Variants in ARHGEF11 observed in about 807,000 individuals in gnomAD.
The protein encoded by ARHGEF11 is Rho guanine nucleotide exchange factor 11.
ARHGEF11 carries 55 observed loss-of-function variants against 193.7 expected under a neutral mutation model. That is an observed-to-expected ratio of 0.28 (90% CI 0.23 to 0.36). ARHGEF11 has a LOEUF of 0.36. Among genes scored for constraint, ARHGEF11 ranks in the 10% least tolerant of loss-of-function variants. ARHGEF11 has a pLI of 1.00. For synonymous variants in ARHGEF11, 693 were observed against 768.0 expected (o/e 0.90, Z 1.62); for missense variants, 1,723 against 2,005.6 (o/e 0.86, Z 2.69).
chr1:156,997,206 C>T (rs1181262502), intron 1 of ARHGEF11, among the ~76,000 whole-genome samples: 2 of 152,004 alleles, frequency 1.3e-5, no homozygotes, highest in African/African-American at 2.4e-5. Flanking sequence ...TTATAATTCA[C>T]CTGCCCTGCC....
At chr1:156,998,420 G>A (rs1232123231) in intron 1 of ARHGEF11, among the ~76,000 whole-genome samples, 1 of 152,250 alleles carries the variant, frequency 6.6e-6, no homozygotes, top group African/African-American at 2.4e-5. Flanking sequence ...GTGTGGTGAA[G>A]TGTGGAGTTA....
At chr1:157,000,343 A>G (rs187663941) in intron 1 of ARHGEF11, among the ~76,000 whole-genome samples, 10 of 152,358 alleles carry the variant, frequency 6.6e-5, no homozygotes, top group African/African-American at 2.4e-4. Context: ...CATGAAAGTG[A>G]TAATACCTTA....
At chr1:157,018,015 T>C (rs892588274) in intron 1 of ARHGEF11, among the ~76,000 whole-genome samples, 36 of 152,258 alleles carry the variant, frequency 2.4e-4, no homozygotes, top group Admixed American at 5.2e-4. Context: ...ATGAAATCTA[T>C]ATATAAAAAT....
In ARHGEF11 at chr1:156,978,289, G is replaced by A. The variant is rs1467796052; in HGVS notation, c.425C>T (p.Pro142Leu). 3.7e-6 allele frequency: 6 copies of A among 1,614,030 alleles called. No individual in the cohort carries two copies. In the African/African-American group the frequency reaches 8.0e-5, roughly 22 times the overall value. Reference protein sequence around the residue: ...LQQDPSPAGAPRITSVIPSPP... With the variant: ...LQQDPSPAGALRITSVIPSPP... ...TGAGGGGATCACTGACGTGATTCGGGGAGCTCCTGCTGGGGATGGGTCCTG... is the reference window on the plus strand; with the variant it reads ...TGAGGGGATCACTGACGTGATTCGGAGAGCTCCTGCTGGGGATGGGTCCTG... The change falls in exon 6 of 41, where the codon CCC becomes CTC. Residue 142 changes from proline (P) to leucine (L), a missense_variant. Pro to Leu is a moderately conservative substitution (Grantham distance 98). Coordinates refer to ENST00000368194, the MANE Select transcript of ARHGEF11 (RefSeq NM_198236.3).
intron 5 of ARHGEF11, among the ~76,000 whole-genome samples, chr1:156,978,675 AAAGT>A (rs1303626444): frequency 1.3e-5 from 2 of 152,204 alleles, no homozygotes; most frequent in East Asian, 1.9e-4. Context: ...TTATCTCACT[AAAGT>A]AAGTAGCCAG....
At chr1:156,937,758 C>A (rs3765790) in intron 38 of ARHGEF11, among the ~76,000 whole-genome samples, 26,865 of 152,212 alleles carry the variant, frequency 0.18, 2,412 homozygotes, top group East Asian at 0.32. Context: ...AGTGGCAGAG[C>A]TGCAGTGTTT....
chr1:156,938,818 G>A, intron 37 of ARHGEF11: 1 of 393,498 alleles, frequency 2.5e-6, no homozygotes, highest in Middle Eastern at 6.7e-4. Context: ...GGGGAGGGCA[G>A]GCCCACTAGC....
At chr1:156,990,996 A>G (rs1227191027) in intron 1 of ARHGEF11, among the ~76,000 whole-genome samples, 1 of 152,178 alleles carries the variant, frequency 6.6e-6, no homozygotes, top group Admixed American at 6.5e-5. Context: ...AGTTAGAAAA[A>G]TTTATTATAA....
chr1:156,996,795 G>A (rs12119013), intron 1 of ARHGEF11, among the ~76,000 whole-genome samples: 16,507 of 97,448 alleles, frequency 0.17, 1,811 homozygotes, highest in East Asian at 0.47. Context: ...AAAAAAAAAA[G>A]ACAAGGGTCT....
Position 156,934,962 on chromosome 1 carries a change from T to C in ARHGEF11, c.*1038A>G, listed in dbSNP as rs1654805797. The C allele has an allele frequency of 6.7e-6, 1 of 148,240 alleles. No homozygotes were observed. Among genetic ancestry groups the C allele is most frequent in the Non-Finnish European group, 1.5e-5 (1 of 67,262 alleles). 9.2% of individuals were successfully genotyped at this position (148,240 alleles called of 1,614,324 possible). The stretch of plus-strand genomic sequence containing the variant: ...ATATCTATATTTTATATATTATATA[T>C]ATATTTATATATATATATATGTATA... On this transcript the variant is annotated 3_prime_UTR_variant, in exon 41 of 41. Transcript: ENST00000368194.
intron 1 of ARHGEF11, among the ~76,000 whole-genome samples, chr1:157,010,030 A>G (rs1668361482): frequency 6.6e-6 from 1 of 152,154 alleles, no homozygotes; most frequent in Non-Finnish European, 1.5e-5. Context: ...CCCTAAGGTC[A>G]GCAACAAGAC....
At chr1:157,000,155 G>A (rs1162617201) in intron 1 of ARHGEF11, among the ~76,000 whole-genome samples, 2 of 152,156 alleles carry the variant, frequency 1.3e-5, no homozygotes, top group Non-Finnish European at 2.9e-5. Context: ...TAAAGATGGC[G>A]TTTTGCCATG....
chr1:157,046,225 C>CCCGCCGCCGCCA (rs1163939941), upstream of ARHGEF11, among the ~76,000 whole-genome samples: 1 of 148,928 alleles, frequency 6.7e-6, no homozygotes, highest in African/African-American at 2.4e-5. Flanking sequence ...GCGCGCCGTC[C>CCCGCCGCCGCCA]CCGCCGCCGC....
Position 156,963,557 on chromosome 1 carries a change from G to A in ARHGEF11, c.1001C>T (p.Pro334Leu). 1 of 1,613,260 alleles carries A rather than the reference G, an allele frequency of 6.2e-7. No individual in the cohort carries two copies. The highest frequency in any genetic ancestry group is 8.5e-7 in the Non-Finnish European group (1 of 1,179,570). The stretch of plus-strand genomic sequence containing the variant: ...ATAACCCGGGTCATAGTCTTCCTCT[G>A]GGCCAATAATTAAAGGCTTTGGGCT... ...DQSPKPLIIG[P>L]EEDYDPGYFN... Residue 334 changes from proline (P) to leucine (L), a missense_variant, in exon 12 of 41, where the codon CCA becomes CTA. Physicochemically the swap from Pro to Leu is moderately conservative, Grantham distance 98. Around this residue, in one of 5 missense-constraint regions of ARHGEF11, gnomAD observed 646 missense variants for 710.7 expected, o/e 0.91. Transcript: ENST00000368194.
In ARHGEF11 at chr1:156,955,694, A is replaced by T. The variant is rs771800065; in HGVS notation, c.1768+9T>A. ...GAATGCCCAAGGCTGTTGCTCCCCA[A>T]ATACTCACTGCTTTGAGAAGAGCTT... On this transcript the variant is annotated intron_variant, in intron 20 of 40. Coordinates refer to ENST00000368194, the MANE Select transcript of ARHGEF11 (RefSeq NM_198236.3). 2.5e-6 allele frequency: 4 copies of T among 1,611,614 alleles called. No homozygotes were observed. The highest frequency in any genetic ancestry group is 3.4e-6 in the Non-Finnish European group (4 of 1,177,698).
At chr1:156,944,858 G>A (rs1246573507) in intron 30 of ARHGEF11, among the ~76,000 whole-genome samples, 161 bp downstream of exon 30, 1 of 152,226 alleles carries the variant, frequency 6.6e-6, no homozygotes, top group Non-Finnish European at 1.5e-5. Flanking sequence ...TCTAGGGACA[G>A]GGTGACAATA....
At chr1:156,974,905 T>C (rs1390539292) in intron 7 of ARHGEF11, among the ~76,000 whole-genome samples, 1 of 152,268 alleles carries the variant, frequency 6.6e-6, no homozygotes, top group East Asian at 1.9e-4. Context: ...TGCTTATCTA[T>C]TCATCAGCGG....
chr1:156,936,511 T>C (rs1232807437), intron 40 of ARHGEF11, among the ~76,000 whole-genome samples: 1 of 125,712 alleles, frequency 8.0e-6, no homozygotes, highest in South Asian at 2.5e-4. Flanking sequence ...TATATATATA[T>C]ATATATATAT....
chr1:157,021,265 C>G (rs533985284), intron 1 of ARHGEF11, among the ~76,000 whole-genome samples: 166 of 152,254 alleles, frequency 1.1e-3, no homozygotes, highest in African/African-American at 3.7e-3. Context: ...AGACATGCAT[C>G]CTTCCAATCC....
Sources: allele counts gnomAD v4.1 joint callset (sites outside exome capture counted in the v4.1 genomes callset), GRCh38; gene constraint gnomAD v4.1.1; regional missense constraint gnomAD v4.1.1; transcripts MANE v1.5; gene names NCBI Gene and HGNC (gene_info 2026-07-23, HGNC 2026-07-21).